The following GDPD4 variants were observed in gnomAD, a reference collection of about 807,000 sequenced individuals.
GDPD4 encodes glycerophosphodiester phosphodiesterase domain containing 4.
A neutral mutation model predicts 67.8 loss-of-function variants in GDPD4; 60 were observed. That is an observed-to-expected ratio of 0.88 (90% CI 0.72 to 1.10). The LOEUF (loss-of-function observed/expected upper bound fraction) is 1.10, where lower values mean the gene tolerates loss of function less well. Ranked by LOEUF, GDPD4 falls within the 50% of genes least tolerant of loss-of-function variation. The pLI, the probability that GDPD4 is intolerant of heterozygous loss-of-function variation, is 0.00. For synonymous variants in GDPD4, 212 were observed against 210.9 expected, an observed-to-expected ratio of 1.00 and a Z score of -0.04; for missense variants, 623 against 613.9, an observed-to-expected ratio of 1.01 and a Z score of -0.16.
intron 5 of GDPD4, among the ~76,000 whole-genome samples, chr11:77,274,364 G>A (rs972741835): frequency 2.0e-5 from 3 of 152,176 alleles, no homozygotes; most frequent in South Asian, 2.1e-4. Flanking sequence ...TACTGGAGGT[G>A]GGCATAGTGG....
intron 5 of GDPD4, 126 bp downstream of exon 5, chr11:77,276,035 C>A: frequency 1.5e-6 from 1 of 676,068 alleles, no homozygotes; most frequent in South Asian, 1.8e-5. Context: ...AATCTCTTCT[C>A]TCCAAGGAGA....
chr11:77,228,160 G>A (rs1382593150), intron 15 of GDPD4, among the ~76,000 whole-genome samples: 3 of 151,328 alleles, frequency 2.0e-5, no homozygotes, highest in Admixed American at 1.3e-4. Context: ...CACCTGAGGC[G>A]GGGCCAACAT....
intron 11 of GDPD4, among the ~76,000 whole-genome samples, chr11:77,252,884 C>T (rs770069991): frequency 1.3e-5 from 2 of 152,174 alleles, no homozygotes; most frequent in South Asian, 2.1e-4. Context: ...TCCACAAATG[C>T]TTTTGGTGTT....
chr11:77,295,693 G>T (rs1397431495), intron 1 of GDPD4, among the ~76,000 whole-genome samples: 1 of 152,096 alleles, frequency 6.6e-6, no homozygotes, highest in Non-Finnish European at 1.5e-5. Flanking sequence ...CGAAATCTGT[G>T]TCCCTGCTTT....
chr11:77,290,441 G>A (rs1367348294), intron 1 of GDPD4, among the ~76,000 whole-genome samples: 2 of 152,044 alleles, frequency 1.3e-5, no homozygotes, highest in African/African-American at 4.8e-5. Flanking sequence ...TGGAAAAAAA[G>A]TAGAAATCAA....
chr11:77,223,928 T>C (rs939296936), intron 16 of GDPD4, among the ~76,000 whole-genome samples: 4 of 152,200 alleles, frequency 2.6e-5, no homozygotes, highest in Non-Finnish European at 5.9e-5. Context: ...AGCCAGGCTG[T>C]GGCCTTGCAG....
chr11:77,289,221 G>T (rs551280104), intron 1 of GDPD4, among the ~76,000 whole-genome samples: 2 of 151,186 alleles, frequency 1.3e-5, no homozygotes, highest in Non-Finnish European at 2.9e-5. Flanking sequence ...AAATTAGCTG[G>T]GCTTGGTAGT....
Position 77,233,184 on chromosome 11 carries a change from A to G in GDPD4, c.1242-12T>C. 6.2e-7 allele frequency: 1 copy of G among 1,611,692 alleles called. No homozygotes were observed. Among genetic ancestry groups the G allele is most frequent in the Non-Finnish European group, 8.5e-7 (1 of 1,177,956 alleles). ...CTGCTTTATAATCTCTGGAACAAAA[A>G]CAGAACCCACAGGGGATTTAGATCA... On this transcript the variant is annotated splice_polypyrimidine_tract_variant and intron_variant, in intron 13 of 16. Transcript: ENST00000315938.
chr11:77,259,104 G>A (rs778689679), intron 10 of GDPD4, among the ~76,000 whole-genome samples: 10 of 151,978 alleles, frequency 6.6e-5, no homozygotes, highest in Non-Finnish European at 1.0e-4. Context: ...TCAGCCTCCC[G>A]AGTAGCTGAG....
At chr11:77,257,190 G>A (rs758026691) in intron 11 of GDPD4, among the ~76,000 whole-genome samples, 3 of 152,168 alleles carry the variant, frequency 2.0e-5, no homozygotes, top group Non-Finnish European at 4.4e-5. Flanking sequence ...CAATATGGAT[G>A]CATGCTATCT....
intron 10 of GDPD4, among the ~76,000 whole-genome samples, chr11:77,261,646 G>A (rs75034474): frequency 0.024 from 3,685 of 152,282 alleles, 160 homozygotes; most frequent in African/African-American, 0.084. Context: ...AAGCTCATTT[G>A]CAATACTAAC....
intron 4 of GDPD4, among the ~76,000 whole-genome samples, chr11:77,278,198 C>T (rs1003778400): frequency 3.3e-5 from 5 of 152,204 alleles, no homozygotes; most frequent in Middle Eastern, 6.8e-3. Context: ...CCTTATGATC[C>T]ACCCGCCTCG....
intron 11 of GDPD4, among the ~76,000 whole-genome samples, chr11:77,248,833 T>A (rs1958832096): frequency 6.6e-6 from 1 of 151,026 alleles, no homozygotes; most frequent in Non-Finnish European, 1.5e-5. Flanking sequence ...GCAATTCTCC[T>A]GCCTCAGCCT....
rs547503675 is a variant in GDPD4 at position 77,246,082 on chromosome 11, C to T, written c.865-580G>A. ...AAAGTATCACTTGAGGCCAGGAGTTCGAGGCCAGCCTGGGCAACATAGTGA... is the reference window on the plus strand; with the variant it reads ...AAAGTATCACTTGAGGCCAGGAGTTTGAGGCCAGCCTGGGCAACATAGTGA... On this transcript the variant is annotated intron_variant, in intron 11 of 16. Coordinates refer to ENST00000315938, the MANE Select transcript of GDPD4 (RefSeq NM_182833.3). Among the ~76,000 whole-genome samples, 30 of 152,232 alleles carry T rather than the reference C, an allele frequency of 2.0e-4. No homozygotes were observed. The East Asian group carries it at 4.3e-3, about 22-fold the overall frequency.
intron 16 of GDPD4, among the ~76,000 whole-genome samples, chr11:77,222,122 C>A (rs112391639): frequency 6.6e-6 from 1 of 152,126 alleles, no homozygotes; most frequent in Non-Finnish European, 1.5e-5. Flanking sequence ...TGTGTGTCTG[C>A]ACTTGAGATG....
chr11:77,225,617 C>T (rs865990991), intron 16 of GDPD4, among the ~76,000 whole-genome samples: 6 of 152,070 alleles, frequency 3.9e-5, no homozygotes, highest in South Asian at 4.2e-4. Flanking sequence ...ACGTTACAAA[C>T]AGAAGAACAG....
intron 1 of GDPD4, among the ~76,000 whole-genome samples, chr11:77,300,765 C>T (rs146282951): frequency 1.4e-3 from 206 of 152,158 alleles, no homozygotes; most frequent in African/African-American, 4.7e-3. Flanking sequence ...GTAAGAAAAA[C>T]AAATTGCACA....
rs1937894520 is a variant in GDPD4, at chr11:77,294,806, G to A, written c.-254+6799C>T. Among the ~76,000 whole-genome samples, 2 of 152,048 alleles carry A rather than the reference G, an allele frequency of 1.3e-5. 1 individual carries two copies. Among genetic ancestry groups the A allele is most frequent in the Non-Finnish European group, 2.9e-5 (2 of 67,998 alleles). On this transcript the variant is annotated intron_variant, in intron 1 of 16. Transcript: ENST00000315938. ...CAAAAAGACAGACATAGAGATCAAT[G>A]AAACAGAATATGGGTTCCAGAAAAA...
In GDPD4 at chr11:77,232,271, G is replaced by C. The variant is rs564644784; in HGVS notation, c.1389+754C>G. On this transcript the variant is annotated intron_variant, in intron 14 of 16. Coordinates refer to ENST00000315938, the MANE Select transcript of GDPD4 (RefSeq NM_182833.3). Reference sequence around the variant, plus strand: ...CTAAGTGAGATTTCATTCAGGGGCAGAGAAAGGCCTACATCACAGACCAGG... The same window carrying C: ...CTAAGTGAGATTTCATTCAGGGGCACAGAAAGGCCTACATCACAGACCAGG... 2.0e-5 allele frequency among the ~76,000 whole-genome samples: 3 copies of C among 152,354 alleles called. No individual in the cohort carries two copies. In the South Asian group the frequency reaches 6.2e-4, roughly 32 times the overall value.
Sources: allele counts gnomAD v4.1 joint callset (sites outside exome capture counted in the v4.1 genomes callset), GRCh38; gene constraint gnomAD v4.1.1; transcripts MANE v1.5; gene names NCBI Gene and HGNC (gene_info 2026-07-23, HGNC 2026-07-21).